GSN: variants seen among roughly 807,000 people sequenced by gnomAD.
GSN encodes actin-depolymerizing factor.
A neutral mutation model predicts 85.7 loss-of-function variants in GSN; 56 were observed. The observed-to-expected ratio is 0.65, with a 90% CI of 0.53 to 0.82. The LOEUF (loss-of-function observed/expected upper bound fraction) is 0.82, where lower values mean the gene tolerates loss of function less well. Among genes scored for constraint, GSN ranks in the 40% least tolerant of loss-of-function variants. The probability of loss-of-function intolerance (pLI) is 0.00; values close to 1 mark genes in which losing one functional copy is unlikely to be tolerated. For missense variants in GSN, 857 were observed against 979.8 expected, an observed-to-expected ratio of 0.87 and a Z score of 1.67; for synonymous variants, 373 against 399.1, an observed-to-expected ratio of 0.93 and a Z score of 0.78.
intron 2 of GSN, among the ~76,000 whole-genome samples, chr9:121,290,248 A>G (rs946646105): frequency 3.3e-5 from 5 of 152,174 alleles, no homozygotes; most frequent in African/African-American, 1.2e-4. Context: ...CGGGGACAGA[A>G]GGCAGCACCC....
chr9:121,229,776 T>C (rs1339235801), intron 4 of GSN, among the ~76,000 whole-genome samples: 1 of 152,208 alleles, frequency 6.6e-6, no homozygotes, highest in Non-Finnish European at 1.5e-5. Flanking sequence ...AATAAGTAAT[T>C]TCTGGGGAGA....
At chr9:121,280,080 G>A (rs1032871874) in intron 1 of GSN, 11 of 152,232 alleles carry the variant, frequency 7.2e-5, no homozygotes, top group African/African-American at 2.7e-4. Context: ...GGGCTTGTTT[G>A]TGTCTTAATC....
chr9:121,288,434 A>G (rs2058363558), intron 2 of GSN, among the ~76,000 whole-genome samples: 1 of 152,214 alleles, frequency 6.6e-6, no homozygotes, highest in African/African-American at 2.4e-5. Flanking sequence ...CGCAGGGCAC[A>G]GGACATAACA....
chr9:121,216,496 C>CTATA (rs1451010601), intron 4 of GSN, among the ~76,000 whole-genome samples: 3 of 152,212 alleles, frequency 2.0e-5, no homozygotes, highest in Non-Finnish European at 4.4e-5. Context: ...ACTTTGCTTG[C>CTATA]TATATTTCCC....
chr9:121,271,096 A>G (rs1328990535), intron 1 of GSN, among the ~76,000 whole-genome samples: 2 of 152,198 alleles, frequency 1.3e-5, no homozygotes, highest in Non-Finnish European at 1.5e-5. Context: ...TTAACTGGGC[A>G]TGGTGGCTCA....
chr9:121,257,389 G>T (rs1443353205), intron 6 of GSN, among the ~76,000 whole-genome samples: 3 of 152,160 alleles, frequency 2.0e-5, no homozygotes, highest in African/African-American at 7.2e-5. Context: ...AGAAAATCGG[G>T]AATCAAAGAT....
intron 2 of GSN, chr9:121,282,412 C>T: frequency 9.0e-7 from 1 of 1,106,726 alleles, no homozygotes; most frequent in Non-Finnish European, 1.2e-6. Flanking sequence ...ACCCCTCCAA[C>T]CCACGCCATC....
At chr9:121,256,478 T>G (rs1168508983) in intron 6 of GSN, among the ~76,000 whole-genome samples, 4 of 152,024 alleles carry the variant, frequency 2.6e-5, no homozygotes, top group African/African-American at 9.7e-5. Context: ...GTGAAAACCA[T>G]GGGTCTCGAG....
rs116179607 is a variant in GSN at position 121,282,868 on chromosome 9, C to A, written c.-10+1306C>A. 2.5e-3 allele frequency: 615 copies of A among 249,190 alleles called. 8 individuals carry two copies. The highest frequency in any genetic ancestry group is 0.013 in the African/African-American group (574 of 44,744). 15.4% of individuals were successfully genotyped at this position (249,190 alleles called of 1,614,324 possible). On this transcript the variant is annotated intron_variant, in intron 2 of 17. Transcript: ENST00000432226. ...CACAGGGGCCCTGTCTTCCGCAGAC[C>A]CTGCAGGGCCAGGCTGGCATAGACC...
At position 121,318,516 on chromosome 9, in the gene GSN, G is replaced by A. The variant is rs1464538684; in HGVS notation, c.975+22G>A. On this transcript the variant is annotated intron_variant, in intron 9 of 17. Coordinates refer to ENST00000432226, the MANE Select transcript of GSN (RefSeq NM_198252.3). The surrounding 1 kb of genome is among the most constrained non-coding windows in gnomAD (Gnocchi z 4.3). ...TCAGGTGAGTCTTGGAGGCCAGGTAGGATGGGAAGGGGTGGGTCCTGTTTG... is the reference window on the plus strand; with the variant it reads ...TCAGGTGAGTCTTGGAGGCCAGGTAAGATGGGAAGGGGTGGGTCCTGTTTG... The A allele has an allele frequency of 1.3e-6, 2 of 1,583,570 alleles. No individual in the cohort carries two copies. Among genetic ancestry groups the A allele is most frequent in the African/African-American group, 1.3e-5 (1 of 74,318 alleles).
In GSN at chr9:121,292,593, T is replaced by C. The variant is rs914115071; in HGVS notation, c.-9-9370T>C. On this transcript the variant is annotated intron_variant, in intron 2 of 17. Transcript: ENST00000432226. The stretch of plus-strand genomic sequence containing the variant: ...TACCAGACACCCCACCAGGTTGGCA[T>C]CTTCACCTCATTTTACAGAGGAGGA... Among the ~76,000 whole-genome samples, 8 of 152,190 alleles carry C rather than the reference T, an allele frequency of 5.3e-5. No homozygotes were observed. The South Asian group carries it at 1.4e-3, about 28-fold the overall frequency.
intron 1 of GSN, among the ~76,000 whole-genome samples, chr9:121,277,443 G>T (rs2056816469): frequency 6.6e-6 from 1 of 151,906 alleles, no homozygotes; most frequent in Non-Finnish European, 1.5e-5. Context: ...ACTTTCAGTT[G>T]CAAGATTTGA....
In GSN at chr9:121,322,441, C is replaced by A. The variant is rs1297709328; in HGVS notation, c.1325+1040C>A. On this transcript the variant is annotated intron_variant, in intron 11 of 17. Coordinates refer to ENST00000432226, the MANE Select transcript of GSN (RefSeq NM_198252.3). ...GTACTATAGTTTATTTAACAAATTCCTTGATGATGCATACTTGGGTTGATT... is the reference window on the plus strand; with the variant it reads ...GTACTATAGTTTATTTAACAAATTCATTGATGATGCATACTTGGGTTGATT... Among the ~76,000 whole-genome samples, 3 of 152,176 alleles carry A rather than the reference C, an allele frequency of 2.0e-5. No homozygotes were observed. The East Asian group carries it at 5.8e-4, about 29-fold the overall frequency.
At chr9:121,310,353 A>T in intron 4 of GSN, 1 of 356,362 alleles carries the variant, frequency 2.8e-6, no homozygotes, top group Non-Finnish European at 5.3e-6. Context: ...AGTTTTTTTG[A>T]TTTAGAAAGT....
At chr9:121,297,935 C>A (rs892355079) in intron 2 of GSN, 1 of 152,192 alleles carries the variant, frequency 6.6e-6, no homozygotes, top group Non-Finnish European at 1.5e-5. Flanking sequence ...CTGGTTTATG[C>A]TTCCATTAAG....
intron 6 of GSN, chr9:121,313,700 G>A: frequency 1.7e-6 from 1 of 585,790 alleles, no homozygotes; most frequent in Non-Finnish European, 3.1e-6. Context: ...TCTGGAGGCA[G>A]AGGAGCAGGA....
intron 2 of GSN, chr9:121,282,578 G>A: frequency 8.7e-7 from 1 of 1,147,770 alleles, no homozygotes. Flanking sequence ...TGGTCCCCAG[G>A]ATGTTGTGCC....
At chr9:121,240,181 TTA>T (rs1198740284) in intron 5 of GSN, 1 of 152,276 alleles carries the variant, frequency 6.6e-6, no homozygotes, top group Non-Finnish European at 1.5e-5. Flanking sequence ...ATCAGTCACA[TTA>T]TATTACTATT....
At chr9:121,320,416 G>T (rs910412750) in intron 10 of GSN, among the ~76,000 whole-genome samples, 5 of 152,144 alleles carry the variant, frequency 3.3e-5, no homozygotes, top group Non-Finnish European at 5.9e-5. Context: ...TGGCCGAGGC[G>T]GGTGGATCAC....
Sources: allele counts gnomAD v4.1 joint callset (sites outside exome capture counted in the v4.1 genomes callset), GRCh38; gene constraint gnomAD v4.1.1; non-coding constraint Gnocchi (gnomAD v3.1); transcripts MANE v1.5; gene names NCBI Gene and HGNC (gene_info 2026-07-23, HGNC 2026-07-21).